The following MICU1 variants were observed in gnomAD, a reference collection of about 807,000 sequenced individuals.
The protein encoded by MICU1 is calcium uptake protein 1, mitochondrial.
MICU1 carries 45 observed loss-of-function variants against 56.8 expected under a neutral mutation model. That is an observed-to-expected ratio of 0.79 (90% CI 0.62 to 1.02). MICU1 has a LOEUF of 1.02. Ranked by LOEUF, MICU1 falls within the 50% of genes least tolerant of loss-of-function variation. The probability of loss-of-function intolerance (pLI) is 0.00; values close to 1 mark genes in which losing one functional copy is unlikely to be tolerated. For missense variants in MICU1, 504 were observed against 587.1 expected (o/e 0.86, Z 1.46); for synonymous variants, 186 against 195.1 (o/e 0.95, Z 0.39).
intron 9 of MICU1, among the ~76,000 whole-genome samples, chr10:72,413,808 C>T (rs1284446979): frequency 2.0e-5 from 3 of 151,916 alleles, no homozygotes; most frequent in African/African-American, 7.3e-5. Context: ...GGAAGACCAA[C>T]AACCTGATTT....
intron 4 of MICU1, among the ~76,000 whole-genome samples, chr10:72,536,369 T>C (rs1370099579): frequency 2.0e-5 from 3 of 152,128 alleles, no homozygotes; most frequent in African/African-American, 7.2e-5. Flanking sequence ...TTTTTTGAGA[T>C]GGAGTCTCGC....
chr10:72,471,468 C>T (rs1312314050), intron 8 of MICU1, among the ~76,000 whole-genome samples: 1 of 152,208 alleles, frequency 6.6e-6, no homozygotes, highest in Non-Finnish European at 1.5e-5. Context: ...TCTCTAGGCT[C>T]TCATTTGTGT....
At chr10:72,407,549 T>A (rs915255227) in intron 10 of MICU1, among the ~76,000 whole-genome samples, 11 of 152,172 alleles carry the variant, frequency 7.2e-5, no homozygotes, top group African/African-American at 2.7e-4. Context: ...AGAAATAAAC[T>A]AAAGCATTCC....
rs372461113 is a variant in MICU1 at position 72,510,395 on chromosome 10, A to G, written c.538-2126T>C. Among the ~76,000 whole-genome samples, 16 of 152,308 alleles carry G rather than the reference A, an allele frequency of 1.1e-4. No individual in the cohort carries two copies. In the South Asian group the frequency reaches 1.7e-3, roughly 16 times the overall value. Reference sequence around the variant, plus strand: ...GTATTTTTTCAACATGCCACTTTGAAAGTAAATTGGAGACATCATGCCACT... The same window carrying G: ...GTATTTTTTCAACATGCCACTTTGAGAGTAAATTGGAGACATCATGCCACT... On this transcript the variant is annotated intron_variant, in intron 5 of 11. Coordinates refer to ENST00000361114, the MANE Select transcript of MICU1 (RefSeq NM_001195518.2).
chr10:72,509,348 A>G, intron 5 of MICU1: 8 of 1,324,538 alleles, frequency 6.0e-6, no homozygotes, highest in Non-Finnish European at 8.0e-6. Context: ...AACTAAACCA[A>G]CAAGCACCAT....
intron 8 of MICU1, among the ~76,000 whole-genome samples, chr10:72,427,733 AATATATATATATATATATAT>A (rs58696519): frequency 0.62 from 85,012 of 136,524 alleles, 26,320 homozygotes; most frequent in Non-Finnish European, 0.68. Flanking sequence ...CCATCTCTAA[AATATATATATATATATATAT>A]ATATATATAT....
chr10:72,520,557 G>A (rs1487680270), intron 5 of MICU1, among the ~76,000 whole-genome samples: 1 of 152,096 alleles, frequency 6.6e-6, no homozygotes. Flanking sequence ...ACTGGAAGGT[G>A]AATGCTTAAG....
intron 1 of MICU1, among the ~76,000 whole-genome samples, chr10:72,596,127 A>G (rs1431707432): frequency 6.6e-6 from 1 of 151,844 alleles, no homozygotes; most frequent in Non-Finnish European, 1.5e-5. Context: ...CTGGGATTAC[A>G]GGCGCCCACC....
chr10:72,606,130 C>CAAA (rs11317547), intron 1 of MICU1, among the ~76,000 whole-genome samples: 1 of 124,146 alleles, frequency 8.1e-6, no homozygotes. Flanking sequence ...GACTCCATCT[C>CAAA]AAAAAAAAAA....
At chr10:72,382,834 G>A (rs927202530) in intron 10 of MICU1, among the ~76,000 whole-genome samples, 5 of 152,210 alleles carry the variant, frequency 3.3e-5, no homozygotes, top group Non-Finnish European at 7.3e-5. Context: ...ACTTGAACCC[G>A]GGAGGCGGAG....
At chr10:72,474,078 G>A (rs990526684) in intron 8 of MICU1, among the ~76,000 whole-genome samples, 1 of 151,788 alleles carries the variant, frequency 6.6e-6, no homozygotes, top group African/African-American at 2.4e-5. Context: ...CCAACATGGT[G>A]AAACTGCGTC....
intron 9 of MICU1, among the ~76,000 whole-genome samples, chr10:72,416,646 G>C (rs570656409): frequency 6.6e-6 from 1 of 152,162 alleles, no homozygotes. Context: ...GTTGGGGATA[G>C]GGCTACGACA....
At chr10:72,562,858 T>C (rs777010877) in intron 3 of MICU1, 37 bp downstream of exon 3, 2 of 1,488,902 alleles carry the variant, frequency 1.3e-6, no homozygotes, top group South Asian at 2.9e-5. Context: ...TACTTTAAGA[T>C]ATACTTCTGA....
At chr10:72,578,123 T>A (rs1210923884) in intron 1 of MICU1, among the ~76,000 whole-genome samples, 1 of 152,188 alleles carries the variant, frequency 6.6e-6, no homozygotes, top group East Asian at 1.9e-4. Flanking sequence ...TGTCTTTTTT[T>A]AAGAAATTGC....
In MICU1 at chr10:72,367,869, G is replaced by A. The variant is rs909978571; in HGVS notation, c.*326C>T. ...CGATTTGAGAACTGGATGCTTCCCAGGGTTGGCAGGTGTGTGGATGGTTCC... is the reference window on the plus strand; with the variant it reads ...CGATTTGAGAACTGGATGCTTCCCAAGGTTGGCAGGTGTGTGGATGGTTCC... On this transcript the variant is annotated 3_prime_UTR_variant, in exon 12 of 12. Coordinates refer to ENST00000361114, the MANE Select transcript of MICU1 (RefSeq NM_001195518.2). 3.9e-6 allele frequency: 1 copy of A among 257,990 alleles called. No homozygotes were observed. Among genetic ancestry groups the A allele is most frequent in the African/African-American group, 2.2e-5 (1 of 45,658 alleles). The allele number at this position is 257,990 out of a possible 1,614,324, so 16.0% of individuals were successfully genotyped here.
intron 6 of MICU1, among the ~76,000 whole-genome samples, chr10:72,488,504 G>A (rs7477602): frequency 1.6e-4 from 25 of 152,098 alleles, no homozygotes; most frequent in African/African-American, 4.8e-4. Flanking sequence ...TTAGAAAAGA[G>A]AAAAATATTA....
At chr10:72,512,421 C>T (rs1335708745) in intron 5 of MICU1, among the ~76,000 whole-genome samples, 4 of 152,018 alleles carry the variant, frequency 2.6e-5, no homozygotes, top group Admixed American at 2.6e-4. Context: ...TACACAGCTC[C>T]TTAAGCCATA....
At chr10:72,522,422 T>C (rs946755939) in intron 5 of MICU1, among the ~76,000 whole-genome samples, 8 of 152,116 alleles carry the variant, frequency 5.3e-5, no homozygotes, top group African/African-American at 9.7e-5. Flanking sequence ...TAATCTAAAA[T>C]AAAAATGGAT....
At chr10:72,449,180 A>G (rs1398973407) in intron 8 of MICU1, among the ~76,000 whole-genome samples, 1 of 152,132 alleles carries the variant, frequency 6.6e-6, no homozygotes, top group Non-Finnish European at 1.5e-5. Context: ...GGCAGATCAC[A>G]TGAGGTCAGG....
Sources: gnomAD v4.1 joint callset for allele counts (sites outside exome capture counted in the v4.1 genomes callset) on GRCh38, gnomAD v4.1.1 for gene constraint, MANE v1.5 for transcripts, NCBI Gene and HGNC (gene_info 2026-07-23, HGNC 2026-07-21) for gene names.